Variants in ERBB4 observed in about 807,000 individuals in gnomAD.
ERBB4 encodes the protein erb-b2 receptor tyrosine kinase 4.
In ERBB4, 42 loss-of-function variants were observed where a neutral mutation model predicts 158.0. The observed-to-expected ratio is 0.27, with a 90% CI of 0.21 to 0.34. The LOEUF is 0.34. Ranked by LOEUF, ERBB4 falls within the 10% of genes least tolerant of loss-of-function variation. The probability of loss-of-function intolerance (pLI) is 1.00; values close to 1 mark genes in which losing one functional copy is unlikely to be tolerated. For synonymous variants in ERBB4, 583 were observed against 558.7 expected (o/e 1.04, Z -0.61); for missense variants, 1,333 against 1,624.1 (o/e 0.82, Z 3.08).
chr2:211,497,883 C>T (rs1408912096), intron 20 of ERBB4, among the ~76,000 whole-genome samples: 2 of 152,068 alleles, frequency 1.3e-5, no homozygotes, highest in Admixed American at 6.6e-5. Context: ...CTATTTTTGT[C>T]TAACTAGAAA....
chr2:211,742,997 A>G (rs1575081702), intron 5 of ERBB4, among the ~76,000 whole-genome samples: 1 of 152,168 alleles, frequency 6.6e-6, no homozygotes, highest in African/African-American at 2.4e-5. Context: ...TCTTTTGGTT[A>G]AAGTAATGCA....
rs182775934 is a variant in ERBB4, at chr2:211,397,993, G to A, written c.3136-10001C>T. 6.8e-3 allele frequency among the ~76,000 whole-genome samples: 1,030 copies of A among 152,196 alleles called. 13 individuals carry two copies. The highest frequency in any genetic ancestry group is 0.02 in the South Asian group (98 of 4,814). On this transcript the variant is annotated intron_variant, in intron 25 of 27. Transcript: ENST00000342788. ...GGAACACTGAACTACAGAATACCAC[G>A]TCATACCCATATAACTAACAGCTGC...
chr2:211,840,581 CA>C (rs1471815533), intron 3 of ERBB4, among the ~76,000 whole-genome samples: 1 of 152,050 alleles, frequency 6.6e-6, no homozygotes, highest in Admixed American at 6.6e-5. Context: ...AAAGGTTCTT[CA>C]GAACTATTGA....
chr2:212,326,581 A>C (rs1171484097), intron 1 of ERBB4, among the ~76,000 whole-genome samples: 1 of 150,746 alleles, frequency 6.6e-6, no homozygotes, highest in African/African-American at 2.4e-5. Flanking sequence ...CTCATATCAC[A>C]GTGATGGGTA....
chr2:212,055,688 C>T (rs541299520), intron 2 of ERBB4, among the ~76,000 whole-genome samples: 7 of 152,350 alleles, frequency 4.6e-5, no homozygotes, highest in African/African-American at 1.7e-4. Context: ...GGACCTCCAG[C>T]AAACTCCAAA....
intron 2 of ERBB4, among the ~76,000 whole-genome samples, chr2:212,045,523 A>G (rs1443055134): frequency 3.3e-5 from 5 of 152,168 alleles, no homozygotes; most frequent in African/African-American, 1.2e-4. Flanking sequence ...ATATAGTAGT[A>G]TAACCCTCAA....
At chr2:211,839,879 C>T (rs1189014046) in intron 3 of ERBB4, among the ~76,000 whole-genome samples, 1 of 152,068 alleles carries the variant, frequency 6.6e-6, no homozygotes, top group African/African-American at 2.4e-5. Flanking sequence ...GTTAAAAGTT[C>T]TATTCATTGT....
intron 1 of ERBB4, among the ~76,000 whole-genome samples, chr2:212,381,874 T>C (rs1020916409): frequency 1.3e-5 from 2 of 151,378 alleles, no homozygotes; most frequent in Non-Finnish European, 3.0e-5. Context: ...TGTTTTTATA[T>C]ATTATAACTT....
chr2:211,639,381 G>A (rs1198894829), intron 16 of ERBB4, among the ~76,000 whole-genome samples: 1 of 152,130 alleles, frequency 6.6e-6, no homozygotes, highest in African/African-American at 2.4e-5. Context: ...TACAACTTCA[G>A]TTACATTAGG....
At chr2:211,562,489 T>C (rs1401750741) in intron 19 of ERBB4, among the ~76,000 whole-genome samples, 1 of 152,128 alleles carries the variant, frequency 6.6e-6, no homozygotes, top group Non-Finnish European at 1.5e-5. Context: ...TAGTTGCAGG[T>C]AGAGTAAGGT....
At chr2:211,842,115 G>A (rs1197576619) in intron 3 of ERBB4, among the ~76,000 whole-genome samples, 5 of 151,962 alleles carry the variant, frequency 3.3e-5, no homozygotes, top group South Asian at 2.1e-4. Context: ...TTAAGTTGCC[G>A]ATTATAGATT....
In ERBB4 at chr2:211,487,251, G is replaced by T. The variant is rs954319027; in HGVS notation, c.2488-56151C>A. On this transcript the variant is annotated intron_variant, in intron 20 of 27. Transcript: ENST00000342788. ...TATGAGTGAGAACATGCGGTGTTTG[G>T]TTTTTTGTCCTTGAGATAGTAAAGC... 6.0e-5 allele frequency among the ~76,000 whole-genome samples: 9 copies of T among 148,916 alleles called. No individual in the cohort carries two copies. The South Asian group carries it at 1.7e-3, about 28-fold the overall frequency.
intron 1 of ERBB4, among the ~76,000 whole-genome samples, chr2:212,125,825 G>A (rs1334850953): frequency 6.6e-6 from 1 of 152,126 alleles, no homozygotes; most frequent in Non-Finnish European, 1.5e-5. Flanking sequence ...ATTATTGATG[G>A]GCATTTAGGG....
intron 1 of ERBB4, among the ~76,000 whole-genome samples, chr2:212,433,096 T>C (rs888165753): frequency 6.6e-6 from 1 of 152,016 alleles, no homozygotes; most frequent in Non-Finnish European, 1.5e-5. Flanking sequence ...GATACTACAG[T>C]ATAGAGAGTT....
chr2:211,711,109 G>C (rs1559445303), intron 9 of ERBB4, among the ~76,000 whole-genome samples: 1 of 151,454 alleles, frequency 6.6e-6, no homozygotes, highest in Non-Finnish European at 1.5e-5. Flanking sequence ...TATCTAACAT[G>C]GGGCTGTATT....
At chr2:212,428,553 G>A (rs2091962825) in intron 1 of ERBB4, among the ~76,000 whole-genome samples, 1 of 152,034 alleles carries the variant, frequency 6.6e-6, no homozygotes, top group Non-Finnish European at 1.5e-5. Context: ...TGAGCATGAA[G>A]TTTCAGTAAA....
chr2:211,854,716 T>G (rs1183957219), intron 3 of ERBB4, among the ~76,000 whole-genome samples: 1 of 152,162 alleles, frequency 6.6e-6, no homozygotes, highest in African/African-American at 2.4e-5. Flanking sequence ...ATAACAAAAT[T>G]AATCATCTCA....
intron 2 of ERBB4, among the ~76,000 whole-genome samples, chr2:212,000,854 T>C (rs1238575092): frequency 1.3e-5 from 2 of 151,724 alleles, no homozygotes; most frequent in East Asian, 1.9e-4. Context: ...TCTCAGGACA[T>C]TACAAAGAGC....
rs979249614 is a variant in ERBB4 at position 212,409,702 on chromosome 2, A to C, written c.82+128747T>G. On this transcript the variant is annotated intron_variant, in intron 1 of 27. Coordinates refer to ENST00000342788, the MANE Select transcript of ERBB4 (RefSeq NM_005235.3). ...AATTCATTAAGCACTTTCACTATTA[A>C]ATTTGCAGAATGAGTTGTTGTCTCC... Among the ~76,000 whole-genome samples the C allele has an allele frequency of 1.4e-4, 21 of 152,082 alleles. 1 individual carries two copies. The highest frequency in any genetic ancestry group is 1.1e-3 in the Admixed American group (17 of 15,238).
Sources: allele counts gnomAD v4.1 joint callset (sites outside exome capture counted in the v4.1 genomes callset), GRCh38; gene constraint gnomAD v4.1.1; transcripts MANE v1.5; gene names NCBI Gene and HGNC (gene_info 2026-07-23, HGNC 2026-07-21).